The following DSCAML1 variants were observed in gnomAD, a reference collection of about 807,000 sequenced individuals.
DSCAML1 encodes cell adhesion molecule DSCAML1.
A neutral mutation model predicts 200.5 loss-of-function variants in DSCAML1; 38 were observed. The ratio of observed to expected loss-of-function variants is 0.19; its 90% CI spans 0.15 to 0.25. The LOEUF (loss-of-function observed/expected upper bound fraction) is 0.25, where lower values mean the gene tolerates loss of function less well. Among genes scored for constraint, DSCAML1 ranks in the 10% least tolerant of loss-of-function variants. DSCAML1 has a pLI of 1.00. For missense variants in DSCAML1, 2,223 were observed against 2,858.8 expected, an observed-to-expected ratio of 0.78 and a Z score of 5.07; for synonymous variants, 1,215 against 1,165.0, an observed-to-expected ratio of 1.04 and a Z score of -0.87.
At chr11:117,492,415 G>T (rs2049200131) in intron 11 of DSCAML1, among the ~76,000 whole-genome samples, 1 of 152,132 alleles carries the variant, frequency 6.6e-6, no homozygotes, top group African/African-American at 2.4e-5. Context: ...TTGCCTTCTG[G>T]GAGAGGCTTT....
At chr11:117,513,162 C>T (rs752102093) in intron 8 of DSCAML1, among the ~76,000 whole-genome samples, 2 of 152,120 alleles carry the variant, frequency 1.3e-5, no homozygotes, top group African/African-American at 4.8e-5. Flanking sequence ...ACAGGCGGCC[C>T]GGCCCGTGAT....
Position 117,469,259 on chromosome 11 carries a change from G to A in DSCAML1, c.3024+651C>T, listed in dbSNP as rs1314639034. On this transcript the variant is annotated intron_variant, in intron 16 of 32. Coordinates refer to ENST00000651296, the MANE Select transcript of DSCAML1 (RefSeq NM_020693.4). The surrounding 1 kb of genome is among the most constrained non-coding windows in gnomAD (Gnocchi z 4.1). ...GAGACTGGAGGATGCAGTGAGACAG[G>A]AAGCCCCTGGATTGCCAGCCCTTCT... Among the ~76,000 whole-genome samples the A allele has an allele frequency of 6.6e-6, 1 of 152,188 alleles. No homozygotes were observed. The highest frequency in any genetic ancestry group is 2.4e-5 in the African/African-American group (1 of 41,444).
At chr11:117,486,331 G>A (rs1170775606) in intron 11 of DSCAML1, among the ~76,000 whole-genome samples, 1 of 151,768 alleles carries the variant, frequency 6.6e-6, no homozygotes, top group East Asian at 1.9e-4. Context: ...TAGCGGATGT[G>A]AAAATGGCGG....
intron 3 of DSCAML1, among the ~76,000 whole-genome samples, chr11:117,721,193 C>G (rs1023530835): frequency 6.6e-6 from 1 of 152,224 alleles, no homozygotes; most frequent in Non-Finnish European, 1.5e-5. Context: ...GCACCAAGCA[C>G]TATGCTAAAC....
At chr11:117,623,945 C>G (rs901078630) in intron 3 of DSCAML1, among the ~76,000 whole-genome samples, 1 of 152,064 alleles carries the variant, frequency 6.6e-6, no homozygotes, top group African/African-American at 2.4e-5. Context: ...TTGCTGTTCC[C>G]CTGCATAAAA....
chr11:117,630,104 G>A (rs183610415), intron 3 of DSCAML1, among the ~76,000 whole-genome samples: 2 of 152,314 alleles, frequency 1.3e-5, no homozygotes, highest in Non-Finnish European at 2.9e-5. Flanking sequence ...CAGACCTGCA[G>A]TGTCCCCATG....
At chr11:117,744,852 G>T (rs2054487945) in intron 3 of DSCAML1, among the ~76,000 whole-genome samples, 1 of 152,244 alleles carries the variant, frequency 6.6e-6, no homozygotes. Flanking sequence ...GTCACAAAAA[G>T]AAGCATGTCA....
intron 1 of DSCAML1, among the ~76,000 whole-genome samples, chr11:117,787,902 A>T (rs1304180639): frequency 6.6e-6 from 1 of 152,130 alleles, no homozygotes; most frequent in Admixed American, 6.5e-5. Flanking sequence ...GAGATGTGTT[A>T]TGTGCCCTCA....
At chr11:117,649,047 G>A (rs796936337) in intron 3 of DSCAML1, among the ~76,000 whole-genome samples, 9,214 of 129,602 alleles carry the variant, frequency 0.071, 423 homozygotes, top group Middle Eastern at 0.099. Context: ...ATATATGTGT[G>A]TGTGTGTGTG....
At chr11:117,695,395 C>T (rs2053573691) in intron 3 of DSCAML1, among the ~76,000 whole-genome samples, 1 of 143,020 alleles carries the variant, frequency 7.0e-6, no homozygotes. Context: ...CATTTCAAGA[C>T]ATGCTGAGCA....
chr11:117,540,078 C>T (rs1355681144), intron 3 of DSCAML1, among the ~76,000 whole-genome samples: 1 of 152,168 alleles, frequency 6.6e-6, no homozygotes, highest in East Asian at 1.9e-4. Flanking sequence ...TTGGAGTTGT[C>T]AAGCTCATAG....
At chr11:117,439,776 C>T in intron 22 of DSCAML1, 43 bp downstream of exon 22, 1 of 1,569,654 alleles carries the variant, frequency 6.4e-7, no homozygotes, top group Non-Finnish European at 8.8e-7. Context: ...CTACTATATC[C>T]CTCTTTGGGG....
rs762329735 is a variant in DSCAML1 at position 117,780,231 on chromosome 11, G to GGAAAGAAAGAAAGAAA, written c.364+246_364+261dup. On this transcript the variant is annotated intron_variant, in intron 2 of 32. Transcript: ENST00000651296. The surrounding 1 kb of genome is among the most constrained non-coding windows in gnomAD (Gnocchi z 4.8). Reference sequence around the variant, plus strand: ...AAAGAGAGAGAGAGAAAGAAAGAAAGGAAAGAAAGAAAGAAAGAAAGAAAG... The same window carrying GGAAAGAAAGAAAGAAA: ...AAAGAGAGAGAGAGAAAGAAAGAAAGGAAAGAAAGAAAGAAAGAAAGAAAGAAAGAAAGAAAGAAAG... Among the ~76,000 whole-genome samples, 99 of 60,698 alleles carry GGAAAGAAAGAAAGAAA rather than the reference G, an allele frequency of 1.6e-3. 1 individual carries two copies. The highest frequency in any genetic ancestry group is 4.2e-3 in the South Asian group (7 of 1,668). The allele number at this position is 60,698 out of a possible 152,430, so 39.8% of individuals were successfully genotyped here.
intron 3 of DSCAML1, among the ~76,000 whole-genome samples, chr11:117,704,585 C>G (rs887344745): frequency 2.0e-5 from 3 of 152,158 alleles, no homozygotes; most frequent in Admixed American, 6.5e-5. Flanking sequence ...GCAGGAGCTG[C>G]GGGGAGGAGG....
chr11:117,682,778 T>C lies in DSCAML1; in HGVS notation c.511+94013A>G, dbSNP rs961046959. On this transcript the variant is annotated intron_variant, in intron 3 of 32. Coordinates refer to ENST00000651296, the MANE Select transcript of DSCAML1 (RefSeq NM_020693.4). ...GAGGTGACAGAGACAGGTACATGACTCTCTCAGGAAAAACTGTGAAGGCCA... is the reference window on the plus strand; with the variant it reads ...GAGGTGACAGAGACAGGTACATGACCCTCTCAGGAAAAACTGTGAAGGCCA... Among the ~76,000 whole-genome samples, 10 of 151,998 alleles carry C rather than the reference T, an allele frequency of 6.6e-5. No homozygotes were observed. In the East Asian group the frequency reaches 1.3e-3, roughly 21 times the overall value.
At chr11:117,692,034 G>A (rs1024152160) in intron 3 of DSCAML1, among the ~76,000 whole-genome samples, 8 of 152,116 alleles carry the variant, frequency 5.3e-5, no homozygotes, top group African/African-American at 1.9e-4. Flanking sequence ...CCTGAAATGG[G>A]CTCTATTAAA....
intron 1 of DSCAML1, among the ~76,000 whole-genome samples, chr11:117,781,753 A>G (rs2055267905): frequency 6.6e-6 from 1 of 152,264 alleles, no homozygotes; most frequent in South Asian, 2.1e-4. Flanking sequence ...GCAAGACTGC[A>G]AAGACCGCTT....
At chr11:117,715,701 G>A (rs1026537760) in intron 3 of DSCAML1, among the ~76,000 whole-genome samples, 3 of 152,278 alleles carry the variant, frequency 2.0e-5, no homozygotes, top group Middle Eastern at 3.4e-3. Context: ...GAGGCTGTCC[G>A]AGGGTGGGTT....
chr11:117,428,539 G>T lies in DSCAML1; in HGVS notation c.5951C>A (p.Ala1984Asp), dbSNP rs760492346. The change falls in exon 33 of 33, where the codon GCC becomes GAC. Residue 1984 changes from alanine to aspartate, a missense_variant. Around this residue, in one of 7 missense-constraint regions of DSCAML1, gnomAD observed 280 missense variants for 213.4 expected, o/e 1.31. Coordinates refer to ENST00000651296, the MANE Select transcript of DSCAML1 (RefSeq NM_020693.4). ...AGGGGTGGGGCCGGGGGCTGGGGGG[G>T]CTGTGCCGGCTGGGGGGGCTGGCAT... ...LAMPAPPAGT[A>D]PPAPGPTPAE... 4.7e-6 allele frequency: 7 copies of T among 1,502,884 alleles called. No individual in the cohort carries two copies. The highest frequency in any genetic ancestry group is 2.0e-5 in the Admixed American group (1 of 50,448). The allele number at this position is 1,502,884 out of a possible 1,614,324, so 93.1% of individuals were successfully genotyped here.
Sources: gnomAD v4.1 joint callset for allele counts (sites outside exome capture counted in the v4.1 genomes callset) on GRCh38, gnomAD v4.1.1 for gene constraint, gnomAD v4.1.1 regional missense constraint, Gnocchi (gnomAD v3.1) non-coding constraint, MANE v1.5 for transcripts, NCBI Gene and HGNC (gene_info 2026-07-23, HGNC 2026-07-21) for gene names.